Variants in CCSER1 observed in about 807,000 individuals in gnomAD.
CCSER1 encodes the protein coiled-coil serine rich protein 1.
Under a neutral mutation model 82.0 loss-of-function variants are expected in CCSER1, and 41 were observed. The observed-to-expected ratio is 0.50, with a 90% confidence interval of 0.39 to 0.65. The LOEUF is 0.65. Ranked by LOEUF, CCSER1 falls within the 30% of genes least tolerant of loss-of-function variation. The probability of loss-of-function intolerance (pLI) is 0.00; values close to 1 mark genes in which losing one functional copy is unlikely to be tolerated. For synonymous variants in CCSER1, 414 were observed against 383.9 expected, an observed-to-expected ratio of 1.08 and a Z score of -0.92; for missense variants, 1,119 against 1,064.2, an observed-to-expected ratio of 1.05 and a Z score of -0.72.
intron 7 of CCSER1, among the ~76,000 whole-genome samples, chr4:90,767,037 A>G (rs1195480564): frequency 6.6e-6 from 1 of 152,208 alleles, no homozygotes; most frequent in Non-Finnish European, 1.5e-5. Flanking sequence ...ATGAAAGAAC[A>G]GTGCCCAGCT....
chr4:91,347,116 A>G (rs546343395), intron 10 of CCSER1, among the ~76,000 whole-genome samples: 3 of 152,174 alleles, frequency 2.0e-5, no homozygotes, highest in Non-Finnish European at 2.9e-5. Context: ...GAAGTTTTAT[A>G]TCTTTGTGTT....
intron 10 of CCSER1, among the ~76,000 whole-genome samples, chr4:91,252,135 C>T (rs1416755344): frequency 6.6e-6 from 1 of 152,012 alleles, no homozygotes; most frequent in Non-Finnish European, 1.5e-5. Context: ...ACAGATTTCT[C>T]ATCAGAATCT....
intron 9 of CCSER1, among the ~76,000 whole-genome samples, chr4:91,010,512 T>G (rs1738923653): frequency 2.0e-5 from 2 of 102,272 alleles, no homozygotes; most frequent in South Asian, 6.3e-4. Context: ...ACTGCCCCAT[T>G]TTTGACGCTT....
chr4:90,735,369 C>A (rs1173336508), intron 7 of CCSER1, among the ~76,000 whole-genome samples: 2 of 152,068 alleles, frequency 1.3e-5, no homozygotes, highest in Non-Finnish European at 2.9e-5. Flanking sequence ...TCTCCTCTTC[C>A]ACTTTTCAGA....
chr4:90,873,596 T>G (rs1766836081), intron 8 of CCSER1, among the ~76,000 whole-genome samples: 1 of 152,138 alleles, frequency 6.6e-6, no homozygotes, highest in African/African-American at 2.4e-5. Flanking sequence ...TCATTATTTT[T>G]TATCTTATGA....
intron 9 of CCSER1, among the ~76,000 whole-genome samples, chr4:91,004,882 G>A (rs1738364439): frequency 6.6e-6 from 1 of 152,074 alleles, no homozygotes; most frequent in Non-Finnish European, 1.5e-5. Context: ...CTTTATTCAG[G>A]TTGATGAAAT....
At chr4:91,085,740 C>T (rs1055975864) in intron 9 of CCSER1, among the ~76,000 whole-genome samples, 11 of 151,690 alleles carry the variant, frequency 7.3e-5, no homozygotes, top group Admixed American at 1.3e-4. Context: ...ATGTAGGGGT[C>T]GGCAGGAAAT....
Position 91,157,011 on chromosome 4 carries a change from T to C in CCSER1, c.2217+71017T>C, listed in dbSNP as rs1658203676. ...TCAATTTACTCTTCAATCTCATTGA[T>C]CTGGCTTCAGTTTCAATTGTTTATT... On this transcript the variant is annotated intron_variant, in intron 10 of 10. Transcript: ENST00000509176. Among the ~76,000 whole-genome samples the C allele has an allele frequency of 2.6e-5, 4 of 152,002 alleles. No individual in the cohort carries two copies. The South Asian group carries it at 8.3e-4, about 31-fold the overall frequency.
chr4:91,381,801 T>C (rs926379222), intron 10 of CCSER1, among the ~76,000 whole-genome samples: 2 of 152,208 alleles, frequency 1.3e-5, no homozygotes, highest in African/African-American at 4.8e-5. Context: ...TGAGTTTCTT[T>C]GGAGGGTGAC....
intron 9 of CCSER1, among the ~76,000 whole-genome samples, chr4:91,009,607 G>A (rs1434657883): frequency 6.6e-6 from 1 of 151,906 alleles, no homozygotes; most frequent in African/African-American, 2.4e-5. Flanking sequence ...TTATCTTTTT[G>A]ATGTCCTGAT....
At chr4:90,182,877 TA>T (rs1733970816) in intron 1 of CCSER1, among the ~76,000 whole-genome samples, 1 of 152,022 alleles carries the variant, frequency 6.6e-6, no homozygotes. Flanking sequence ...GTATTACCTT[TA>T]TTTTTTTACT....
At chr4:90,989,718 T>G (rs1374684373) in intron 9 of CCSER1, among the ~76,000 whole-genome samples, 1 of 151,800 alleles carries the variant, frequency 6.6e-6, no homozygotes, top group Non-Finnish European at 1.5e-5. Flanking sequence ...ATTTTTGATC[T>G]TTGGGTTAGA....
At position 91,496,589 on chromosome 4, in the gene CCSER1, C is replaced by T. The variant is rs1199533080; in HGVS notation, c.2218-101983C>T. Among the ~76,000 whole-genome samples, 91 of 17,062 alleles carry T rather than the reference C, an allele frequency of 5.3e-3. 25 individuals carry two copies. The highest frequency in any genetic ancestry group is 0.012 in the African/African-American group (88 of 7,606). The allele number at this position is 17,062 out of a possible 152,430, so 11.2% of individuals were successfully genotyped here. A position where few individuals can be genotyped will look rare whatever the true frequency, so the allele number is the denominator to read the frequency against. On this transcript the variant is annotated intron_variant, in intron 10 of 10. Coordinates refer to ENST00000509176, the MANE Select transcript of CCSER1 (RefSeq NM_001145065.2). ...GTATATATATATATATATATATACA[C>T]GAATATATATTTGAATATATATATA...
chr4:91,503,002 T>TAA (rs200188126), intron 10 of CCSER1, among the ~76,000 whole-genome samples: 1 of 151,990 alleles, frequency 6.6e-6, no homozygotes, highest in Admixed American at 6.6e-5. Flanking sequence ...TGAATTCCAC[T>TAA]AAAAAAAATT....
intron 5 of CCSER1, among the ~76,000 whole-genome samples, chr4:90,535,732 T>A (rs1413468269): frequency 6.6e-6 from 1 of 152,170 alleles, no homozygotes; most frequent in African/African-American, 2.4e-5. Context: ...ACTTTTTTTT[T>A]CTTTGTATGT....
intron 10 of CCSER1, among the ~76,000 whole-genome samples, chr4:91,331,269 C>T (rs1443770359): frequency 1.3e-5 from 2 of 152,048 alleles, no homozygotes; most frequent in Non-Finnish European, 2.9e-5. Context: ...ATATATTTTC[C>T]TCATGTGTTA....
chr4:91,582,945 A>T (rs1296108825), intron 10 of CCSER1, among the ~76,000 whole-genome samples: 1 of 151,406 alleles, frequency 6.6e-6, no homozygotes, highest in Non-Finnish European at 1.5e-5. Context: ...AAATTTTAGA[A>T]CTAATTTCTT....
intron 8 of CCSER1, among the ~76,000 whole-genome samples, chr4:90,862,887 A>G (rs961804163): frequency 2.0e-5 from 3 of 148,592 alleles, no homozygotes; most frequent in African/African-American, 7.4e-5. Context: ...AGCACACTAC[A>G]GGAGCACACT....
chr4:91,306,408 CT>C, intron 10 of CCSER1, among the ~76,000 whole-genome samples: 1 of 151,964 alleles, frequency 6.6e-6, no homozygotes, highest in Non-Finnish European at 1.5e-5. Flanking sequence ...TTAGTACATT[CT>C]GCTTGTTTTT....
Sources: gnomAD v4.1 joint callset for allele counts (sites outside exome capture counted in the v4.1 genomes callset) on GRCh38, gnomAD v4.1.1 for gene constraint, MANE v1.5 for transcripts, NCBI Gene and HGNC (gene_info 2026-07-23, HGNC 2026-07-21) for gene names.